Variants in FAM107B observed in about 807,000 individuals in gnomAD.
FAM107B encodes family with sequence similarity 107 member B.
A neutral mutation model predicts 31.5 loss-of-function variants in FAM107B; 21 were observed. That is an observed-to-expected ratio of 0.67 (90% confidence interval 0.47 to 0.96). The LOEUF (loss-of-function observed/expected upper bound fraction) is 0.96. Ranked by LOEUF, FAM107B falls within the 40% of genes least tolerant of loss-of-function variation. The pLI is 0.00. For missense variants in FAM107B, 452 were observed against 377.1 expected, an observed-to-expected ratio of 1.20 and a Z score of -1.64; for synonymous variants, 157 against 141.5, an observed-to-expected ratio of 1.11 and a Z score of -0.78.
intron 1 of FAM107B, among the ~76,000 whole-genome samples, chr10:14,734,579 C>T (rs57218954): frequency 0.04 from 6,059 of 150,676 alleles, 212 homozygotes; most frequent in African/African-American, 0.1. Flanking sequence ...TAATGTGGCC[C>T]GGGGAAGCCA....
chr10:14,581,404 AG>A (rs1851631876), intron 2 of FAM107B, among the ~76,000 whole-genome samples: 1 of 152,228 alleles, frequency 6.6e-6, no homozygotes, highest in Non-Finnish European at 1.5e-5. Context: ...GCTCAGCCTC[AG>A]ATGCATTCCA....
rs531588036 is a variant in FAM107B, at chr10:14,614,900, C to T, written c.469+52734G>A. On this transcript the variant is annotated intron_variant, in intron 2 of 4. Coordinates refer to ENST00000181796, the MANE Select transcript of FAM107B (RefSeq NM_031453.4). ...GGGAGCAGCAGGGGTGAAGACCTGG[C>T]TGGAGTGGCTTCAAGACATAATGGG... Among the ~76,000 whole-genome samples the T allele has an allele frequency of 1.2e-3, 188 of 152,126 alleles. 1 individual carries two copies. Among genetic ancestry groups the T allele is most frequent in the African/African-American group, 4.3e-3 (179 of 41,498 alleles).
At chr10:14,647,334 A>G (rs1853782162) in intron 2 of FAM107B, among the ~76,000 whole-genome samples, 1 of 152,216 alleles carries the variant, frequency 6.6e-6, no homozygotes, top group South Asian at 2.1e-4. Flanking sequence ...CAGTGCTACA[A>G]ATCGATACTA....
intron 1 of FAM107B, among the ~76,000 whole-genome samples, chr10:14,705,095 A>G (rs1236049153): frequency 2.6e-5 from 4 of 152,042 alleles, no homozygotes; most frequent in African/African-American, 7.2e-5. Context: ...ACAAATGCCA[A>G]TAAGCTCATG....
intron 2 of FAM107B, among the ~76,000 whole-genome samples, chr10:14,643,511 G>C (rs967279860): frequency 6.6e-6 from 1 of 151,292 alleles, no homozygotes; most frequent in Non-Finnish European, 1.5e-5. Flanking sequence ...CTGGGTTTAA[G>C]TGATTCTTGT....
chr10:14,707,444 C>T (rs1564632201), intron 1 of FAM107B, among the ~76,000 whole-genome samples: 2 of 152,082 alleles, frequency 1.3e-5, no homozygotes, highest in African/African-American at 4.8e-5. Context: ...TCCCTGAGAT[C>T]TCTAATAGGA....
At chr10:14,649,506 T>G (rs1273500617) in intron 2 of FAM107B, among the ~76,000 whole-genome samples, 1 of 152,182 alleles carries the variant, frequency 6.6e-6, no homozygotes, top group East Asian at 1.9e-4. Flanking sequence ...AATAAGAACC[T>G]TAGTCTCCAC....
intron 2 of FAM107B, among the ~76,000 whole-genome samples, chr10:14,558,278 C>T (rs746027680): frequency 4.0e-5 from 6 of 149,030 alleles, no homozygotes; most frequent in East Asian, 3.9e-4. Flanking sequence ...CATACGTGCA[C>T]GCACACACAC....
intron 1 of FAM107B, among the ~76,000 whole-genome samples, chr10:14,714,322 C>T (rs55854094): frequency 0.053 from 8,001 of 152,318 alleles, 291 homozygotes; most frequent in Non-Finnish European, 0.078. Flanking sequence ...CCTACAGCCT[C>T]TGTTAGCTCA....
intron 2 of FAM107B, among the ~76,000 whole-genome samples, chr10:14,582,326 T>G (rs1851660403): frequency 6.6e-6 from 1 of 152,068 alleles, no homozygotes; most frequent in South Asian, 2.1e-4. Context: ...AGCATCGAAG[T>G]GTAAGTTATT....
chr10:14,615,602 A>G (rs1182891520), intron 2 of FAM107B, among the ~76,000 whole-genome samples: 1 of 152,240 alleles, frequency 6.6e-6, no homozygotes, highest in Non-Finnish European at 1.5e-5. Context: ...GTTTCTGTTC[A>G]AATCTTAGGT....
intron 2 of FAM107B, among the ~76,000 whole-genome samples, chr10:14,650,366 T>C (rs1358783427): frequency 6.6e-6 from 1 of 152,062 alleles, no homozygotes; most frequent in Non-Finnish European, 1.5e-5. Context: ...AGTGGCATGA[T>C]GATCTGCCTC....
rs772421018 is a variant in FAM107B, at chr10:14,774,146, T to C, written c.411+107A>G. The C allele has an allele frequency of 6.2e-5, 87 of 1,395,372 alleles. 1 individual carries two copies. Among genetic ancestry groups the C allele is most frequent in the Non-Finnish European group, 7.6e-5 (79 of 1,039,200 alleles). The allele number at this position is 1,395,372 out of a possible 1,614,324, so 86.4% of individuals were successfully genotyped here. On this transcript the variant is annotated intron_variant, in intron 1 of 4. Coordinates refer to ENST00000181796, the MANE Select transcript of FAM107B (RefSeq NM_031453.4). Reference sequence around the variant, plus strand: ...CACTAGTGAGAACGCCCGCAATGCCTTATTCAGTAAGGTTAAATGAGTTTG... The same window carrying C: ...CACTAGTGAGAACGCCCGCAATGCCCTATTCAGTAAGGTTAAATGAGTTTG...
At chr10:14,543,902 G>C (rs1370086996) in intron 2 of FAM107B, among the ~76,000 whole-genome samples, 1 of 152,148 alleles carries the variant, frequency 6.6e-6, no homozygotes, top group African/African-American at 2.4e-5. Flanking sequence ...TACAGCTCTT[G>C]TCCCACCCTG....
intron 2 of FAM107B, among the ~76,000 whole-genome samples, chr10:14,544,907 C>T (rs558981602): frequency 8.5e-5 from 13 of 152,168 alleles, no homozygotes; most frequent in Non-Finnish European, 1.5e-4. Flanking sequence ...CAAATGCCTA[C>T]GTGTGTGTCT....
At chr10:14,609,778 C>T (rs111491064) in intron 2 of FAM107B, among the ~76,000 whole-genome samples, 1,931 of 152,258 alleles carry the variant, frequency 0.013, 41 homozygotes, top group African/African-American at 0.043. Context: ...ATTGTGGAGG[C>T]TATCTTAGAA....
chr10:14,522,996 G>C (rs901892825), intron 3 of FAM107B, among the ~76,000 whole-genome samples: 13 of 152,132 alleles, frequency 8.5e-5, no homozygotes, highest in Non-Finnish European at 1.8e-4. Context: ...ATTTCTGAGA[G>C]ATAAATTAGG....
At chr10:14,719,326 G>A (rs1044646283) in intron 1 of FAM107B, among the ~76,000 whole-genome samples, 1 of 152,134 alleles carries the variant, frequency 6.6e-6, no homozygotes. Context: ...CCTGTCCTCG[G>A]GGAAGAGATA....
intron 2 of FAM107B, among the ~76,000 whole-genome samples, chr10:14,634,316 C>G (rs991793527): frequency 2.6e-5 from 4 of 151,376 alleles, no homozygotes; most frequent in Non-Finnish European, 5.9e-5. Context: ...AGGAGAATCG[C>G]TTAAACCCAG....
Sources: allele counts gnomAD v4.1 joint callset (sites outside exome capture counted in the v4.1 genomes callset), GRCh38; gene constraint gnomAD v4.1.1; transcripts MANE v1.5; gene names NCBI Gene and HGNC (gene_info 2026-07-23, HGNC 2026-07-21).